Variants in DIS3L2 observed in about 807,000 individuals in gnomAD.
DIS3L2 encodes DIS3 like 3'-5' exoribonuclease 2.
A neutral mutation model predicts 97.5 loss-of-function variants in DIS3L2; 34 were observed. The observed-to-expected ratio is 0.35, with a 90% confidence interval of 0.27 to 0.46. The LOEUF (loss-of-function observed/expected upper bound fraction) is 0.46, where lower values mean the gene tolerates loss of function less well. Ranked by LOEUF, DIS3L2 falls within the 20% of genes least tolerant of loss-of-function variation. The pLI is 1.00. For missense variants in DIS3L2, 1,038 were observed against 1,146.0 expected, an observed-to-expected ratio of 0.91 and a Z score of 1.36; for synonymous variants, 435 against 445.2, an observed-to-expected ratio of 0.98 and a Z score of 0.29.
rs928199499 is a variant in DIS3L2, at chr2:232,277,060, G to A, written c.1659+13620G>A. Among the ~76,000 whole-genome samples the A allele has an allele frequency of 2.6e-5, 4 of 152,316 alleles. No individual in the cohort carries two copies. In the East Asian group the frequency reaches 7.7e-4, roughly 29 times the overall value. Reference sequence around the variant, plus strand: ...CCTTTATGATACTTCCAGTCGATCTGGGAGGTGGGGGAGGATTTGAAATGT... The same window carrying A: ...CCTTTATGATACTTCCAGTCGATCTAGGAGGTGGGGGAGGATTTGAAATGT... On this transcript the variant is annotated intron_variant, in intron 13 of 20. Coordinates refer to ENST00000325385, the MANE Select transcript of DIS3L2 (RefSeq NM_152383.5).
chr2:232,148,274 C>G (rs1187160641), intron 8 of DIS3L2, among the ~76,000 whole-genome samples: 9 of 152,034 alleles, frequency 5.9e-5, no homozygotes, highest in Admixed American at 5.9e-4. Context: ...GTCTCGATCT[C>G]TTGACTTCGT....
chr2:232,200,501 G>A (rs1048990046), intron 9 of DIS3L2, among the ~76,000 whole-genome samples: 2 of 152,030 alleles, frequency 1.3e-5, no homozygotes, highest in African/African-American at 4.8e-5. Flanking sequence ...ACTTGAAAGG[G>A]CTCCCACCAG....
At chr2:232,305,178 T>A (rs1694955833) in intron 14 of DIS3L2, among the ~76,000 whole-genome samples, 1 of 152,154 alleles carries the variant, frequency 6.6e-6, no homozygotes, top group Non-Finnish European at 1.5e-5. Flanking sequence ...TGGGTTCAAG[T>A]GATTCTCTTG....
At chr2:232,217,083 C>T (rs995597248) in intron 10 of DIS3L2, among the ~76,000 whole-genome samples, 23 of 152,086 alleles carry the variant, frequency 1.5e-4, no homozygotes, top group African/African-American at 3.9e-4. Context: ...CTTTGTGATC[C>T]GCCTGCCTTG....
chr2:232,130,752 A>G lies in DIS3L2; in HGVS notation c.702+33A>G, dbSNP rs75061164. 2.7e-3 allele frequency: 4,293 copies of G among 1,611,286 alleles called. 112 individuals carry two copies. The African/African-American group carries it at 0.052, about 19-fold the overall frequency. On this transcript the variant is annotated intron_variant, in intron 7 of 20. Coordinates refer to ENST00000325385, the MANE Select transcript of DIS3L2 (RefSeq NM_152383.5). ...CCTACAGATTTTCTCCACGTGTCCA[A>G]ATGGCTTTCACCTGAGCTACTTGTT...
chr2:232,182,599 G>A (rs185420978), intron 9 of DIS3L2, among the ~76,000 whole-genome samples: 42 of 152,132 alleles, frequency 2.8e-4, no homozygotes, highest in Non-Finnish European at 4.6e-4. Context: ...TGGCTTTGTT[G>A]TTAGATGCAT....
At chr2:232,244,163 G>A (rs1223698347) in intron 11 of DIS3L2, among the ~76,000 whole-genome samples, 2 of 152,216 alleles carry the variant, frequency 1.3e-5, no homozygotes, top group African/African-American at 4.8e-5. Context: ...TTGAATAGTG[G>A]AAGGAGGAGA....
chr2:232,005,823 TAGTA>T (rs962085851), intron 1 of DIS3L2, among the ~76,000 whole-genome samples: 1 of 152,220 alleles, frequency 6.6e-6, no homozygotes, highest in African/African-American at 2.4e-5. Flanking sequence ...GAAAAACTTA[TAGTA>T]AGAGATGCGC....
At chr2:232,284,063 G>T (rs946932193) in intron 13 of DIS3L2, among the ~76,000 whole-genome samples, 4 of 149,016 alleles carry the variant, frequency 2.7e-5, no homozygotes, top group Non-Finnish European at 4.5e-5. Flanking sequence ...AAAGTGGGTT[G>T]TTTTTTTTTT....
chr2:232,250,119 A>G (rs1559174852), intron 12 of DIS3L2, among the ~76,000 whole-genome samples: 2 of 152,206 alleles, frequency 1.3e-5, no homozygotes, highest in African/African-American at 4.8e-5. Flanking sequence ...TAGGGTCGTG[A>G]TTAAGTAAGC....
chr2:232,147,860 A>G (rs900834922), intron 8 of DIS3L2, among the ~76,000 whole-genome samples: 1 of 152,092 alleles, frequency 6.6e-6, no homozygotes, highest in African/African-American at 2.4e-5. Flanking sequence ...TTACCTACCA[A>G]AGAATTCTGG....
intron 9 of DIS3L2, among the ~76,000 whole-genome samples, chr2:232,181,547 G>C (rs539438253): frequency 6.6e-6 from 1 of 151,654 alleles, no homozygotes; most frequent in Non-Finnish European, 1.5e-5. Flanking sequence ...TTCCCTTCTC[G>C]CTTCATTTCA....
chr2:232,341,240 G>C (rs1206385488), downstream of DIS3L2, among the ~76,000 whole-genome samples: 1 of 152,234 alleles, frequency 6.6e-6, no homozygotes, highest in Non-Finnish European at 1.5e-5. Flanking sequence ...GGTGGGGCAA[G>C]CGCTCGGGAC....
intron 8 of DIS3L2, among the ~76,000 whole-genome samples, chr2:232,143,480 A>G (rs1424086373): frequency 6.6e-6 from 1 of 152,146 alleles, no homozygotes; most frequent in Non-Finnish European, 1.5e-5. Context: ...CTATTATTGA[A>G]ATATCAAATT....
chr2:231,989,234 A>G (rs1693512808), intron 1 of DIS3L2, among the ~76,000 whole-genome samples: 1 of 152,102 alleles, frequency 6.6e-6, no homozygotes, highest in South Asian at 2.1e-4. Flanking sequence ...TTCTGTAAGT[A>G]AAGGCCCTAA....
At chr2:232,256,642 C>T (rs1409294441) in intron 12 of DIS3L2, among the ~76,000 whole-genome samples, 1 of 152,150 alleles carries the variant, frequency 6.6e-6, no homozygotes, top group Non-Finnish European at 1.5e-5. Flanking sequence ...TCCCAAGTAC[C>T]TTTCATTCCT....
intron 11 of DIS3L2, among the ~76,000 whole-genome samples, chr2:232,248,941 G>A (rs953736620): frequency 1.3e-5 from 2 of 152,220 alleles, no homozygotes; most frequent in African/African-American, 4.8e-5. Context: ...TACTTCTTGA[G>A]TCTGGAGCTT....
At chr2:232,124,406 G>T (rs1283765926) in intron 6 of DIS3L2, among the ~76,000 whole-genome samples, 1 of 152,176 alleles carries the variant, frequency 6.6e-6, no homozygotes, top group Non-Finnish European at 1.5e-5. Context: ...AAAAACTTGT[G>T]GATGAAGAAA....
chr2:231,970,211 G>A (rs1030028548), intron 1 of DIS3L2, among the ~76,000 whole-genome samples: 6 of 152,124 alleles, frequency 3.9e-5, no homozygotes. Context: ...ACCTCTTAAA[G>A]TGTTGGGATT....
Sources: gnomAD v4.1 joint callset for allele counts (sites outside exome capture counted in the v4.1 genomes callset) on GRCh38, gnomAD v4.1.1 for gene constraint, MANE v1.5 for transcripts, NCBI Gene and HGNC (gene_info 2026-07-23, HGNC 2026-07-21) for gene names.